The following IQSEC3 variants were observed in gnomAD, a reference collection of about 807,000 sequenced individuals.
The protein encoded by IQSEC3 is IQ motif and SEC7 domain-containing protein 3.
Under a neutral mutation model 105.4 loss-of-function variants are expected in IQSEC3, and 50 were observed. The ratio of observed to expected loss-of-function variants is 0.47; its 90% CI spans 0.38 to 0.60. IQSEC3 has a LOEUF of 0.60. Ranked by LOEUF, IQSEC3 falls within the 20% of genes least tolerant of loss-of-function variation. IQSEC3 has a pLI of 0.00. For synonymous variants in IQSEC3, 708 were observed against 746.0 expected, an observed-to-expected ratio of 0.95 and a Z score of 0.83; for missense variants, 1,415 against 1,630.0, an observed-to-expected ratio of 0.87 and a Z score of 2.27.
intron 11 of IQSEC3, chr12:166,151 CT>C (rs782672739): frequency 3.2e-5 from 15 of 462,850 alleles, no homozygotes; most frequent in African/African-American, 5.9e-5. Flanking sequence ...GCGTGGGCCT[CT>C]TGGAACAGAG....
chr12:88,661 T>C (rs1251857773), intron 1 of IQSEC3, among the ~76,000 whole-genome samples: 2 of 152,288 alleles, frequency 1.3e-5, no homozygotes, highest in Admixed American at 1.3e-4. Flanking sequence ...CCCCGGCTTC[T>C]GGAACAGCTG....
chr12:83,922 A>G (rs1469883623), intron 1 of IQSEC3, among the ~76,000 whole-genome samples: 1 of 152,134 alleles, frequency 6.6e-6, no homozygotes, highest in Non-Finnish European at 1.5e-5. Flanking sequence ...TATCTCATTT[A>G]TCCACATGGT....
chr12:163,754 G>A (rs1867036719), intron 9 of IQSEC3, 135 bp downstream of exon 9: 2 of 720,644 alleles, frequency 2.8e-6, no homozygotes. Flanking sequence ...CCGTGGGACG[G>A]ATCTGCCTTC....
chr12:97,515 T>G (rs1864275765), intron 1 of IQSEC3, among the ~76,000 whole-genome samples: 1 of 152,216 alleles, frequency 6.6e-6, no homozygotes, highest in Non-Finnish European at 1.5e-5. Flanking sequence ...TTACTTTTTG[T>G]CAAATTAAGG....
chr12:167,075 G>GTTA (rs1316227858), intron 11 of IQSEC3: 1 of 152,218 alleles, frequency 6.6e-6, no homozygotes, highest in Non-Finnish European at 1.5e-5. Flanking sequence ...TGGAACTCAG[G>GTTA]TAACTGCTTG....
At chr12:153,533 T>G (rs1054886509) in intron 5 of IQSEC3, among the ~76,000 whole-genome samples, 13 of 152,204 alleles carry the variant, frequency 8.5e-5, no homozygotes, top group Non-Finnish European at 1.2e-4. Context: ...GCTTCCTCCC[T>G]TCCAGCTAGG....
intron 2 of IQSEC3, among the ~76,000 whole-genome samples, chr12:100,300 C>T (rs1864381646): frequency 6.6e-6 from 1 of 152,208 alleles, no homozygotes; most frequent in Non-Finnish European, 1.5e-5. Flanking sequence ...GACTTGTCCA[C>T]AGTCACAGAG....
At chr12:142,168 G>T (rs976821778) in intron 5 of IQSEC3, 26 of 152,250 alleles carry the variant, frequency 1.7e-4, no homozygotes, top group Non-Finnish European at 3.5e-4. Context: ...CAGCAGAAGT[G>T]TCTCCCCGGA....
chr12:129,738 T>C (rs1270287084), intron 3 of IQSEC3, among the ~76,000 whole-genome samples: 6 of 152,134 alleles, frequency 3.9e-5, no homozygotes, highest in Non-Finnish European at 8.8e-5. Context: ...GCCAGAGGGC[T>C]GTGGAGTTGC....
rs782796697 is a variant in IQSEC3, at chr12:101,850, C to T, written c.623+2636C>T. Among the ~76,000 whole-genome samples, 3 of 152,170 alleles carry T rather than the reference C, an allele frequency of 2.0e-5. 1 individual carries two copies. The highest frequency in any genetic ancestry group is 4.1e-4 in the South Asian group (2 of 4,828). ...CTAAGATAAGTTTTCCCTGATCAGA[C>T]TCTCAGCATCCCTGCTCCTAACCCT... On this transcript the variant is annotated intron_variant, in intron 2 of 13. Coordinates refer to ENST00000538872, the MANE Select transcript of IQSEC3 (RefSeq NM_001170738.2).
At chr12:143,076 G>A (rs1866098712) in intron 5 of IQSEC3, among the ~76,000 whole-genome samples, 3 of 152,226 alleles carry the variant, frequency 2.0e-5, no homozygotes, top group African/African-American at 4.8e-5. Context: ...TGGGAACACA[G>A]CGTTTTCCTG....
intron 2 of IQSEC3, among the ~76,000 whole-genome samples, chr12:119,783 G>C (rs1865160792): frequency 6.6e-6 from 1 of 152,194 alleles, no homozygotes; most frequent in African/African-American, 2.4e-5. Context: ...TGGTGCCTGC[G>C]TGTGGACAGC....
chr12:93,755 G>A (rs937227834), intron 1 of IQSEC3, among the ~76,000 whole-genome samples: 2 of 152,210 alleles, frequency 1.3e-5, no homozygotes, highest in African/African-American at 4.8e-5. Context: ...CTAACTCGAG[G>A]TATCTGGGTT....
At chr12:69,554 C>G (rs1303666086) in intron 1 of IQSEC3, among the ~76,000 whole-genome samples, 2 of 152,280 alleles carry the variant, frequency 1.3e-5, no homozygotes, top group Non-Finnish European at 2.9e-5. Flanking sequence ...AGGCACTTAA[C>G]AGTAATGCCT....
In IQSEC3 at chr12:124,953, C is replaced by T. The variant is rs543077516; in HGVS notation, c.624-680C>T. ...AGGGAGGAGCAGGTGTTTTCTAAAC[C>T]CAGCAGGGCAGGAAGCCTCCTCTTC... is the stretch of plus-strand genomic sequence containing the variant. On this transcript the variant is annotated intron_variant, in intron 2 of 13. Transcript: ENST00000538872. Among the ~76,000 whole-genome samples, 16 of 152,202 alleles carry T rather than the reference C, an allele frequency of 1.1e-4. No individual in the cohort carries two copies. The South Asian group carries it at 3.3e-3, about 32-fold the overall frequency.
chr12:147,187 C>A (rs150700381), intron 5 of IQSEC3, among the ~76,000 whole-genome samples: 2 of 152,138 alleles, frequency 1.3e-5, no homozygotes, highest in Non-Finnish European at 2.9e-5. Flanking sequence ...GCCACTCGGA[C>A]GTGGGCCTTC....
At chr12:69,705 G>A (rs1367133297) in intron 1 of IQSEC3, among the ~76,000 whole-genome samples, 1 of 152,286 alleles carries the variant, frequency 6.6e-6, no homozygotes, top group East Asian at 1.9e-4. Context: ...ATCTTGGCTG[G>A]TTGAATATCT....
chr12:69,946 G>A (rs1348116922), intron 1 of IQSEC3, among the ~76,000 whole-genome samples: 2 of 152,274 alleles, frequency 1.3e-5, no homozygotes, highest in Non-Finnish European at 2.9e-5. Context: ...GTGAGGAGGA[G>A]GAGAGCAGAG....
At position 162,171 on chromosome 12, in the gene IQSEC3, A is replaced by G. The variant is rs139490093; in HGVS notation, c.2583+106A>G. On this transcript the variant is annotated intron_variant, in intron 8 of 13. Transcript: ENST00000538872. The stretch of plus-strand genomic sequence containing the variant: ...TTTCCAAAACTCTTTTTTCATATTC[A>G]TTCACATGATAGTTATGAAGTACCT... The G allele has an allele frequency of 1.1e-4, 141 of 1,269,784 alleles. No individual in the cohort carries two copies. In the African/African-American group the frequency reaches 2.0e-3, roughly 18 times the overall value. The allele number at this position is 1,269,784 out of a possible 1,614,324, so 78.7% of individuals were successfully genotyped here.
Sources: allele counts gnomAD v4.1 joint callset (sites outside exome capture counted in the v4.1 genomes callset), GRCh38; gene constraint gnomAD v4.1.1; transcripts MANE v1.5; gene names NCBI Gene and HGNC (gene_info 2026-07-23, HGNC 2026-07-21).